The following WIPF2 variants were observed in gnomAD, a reference collection of about 807,000 sequenced individuals.
WIPF2 encodes WAS/WASL-interacting protein family member 2.
In WIPF2, 23 loss-of-function variants were observed where a neutral mutation model predicts 38.8. That is an observed-to-expected ratio of 0.59 (90% CI 0.43 to 0.84). The LOEUF (loss-of-function observed/expected upper bound fraction) is 0.84, where lower values mean the gene tolerates loss of function less well. WIPF2 is among the 40% of genes least tolerant of loss of function. The probability of loss-of-function intolerance (pLI) is 0.00; values close to 1 mark genes in which losing one functional copy is unlikely to be tolerated. For missense variants in WIPF2, 574 were observed against 580.5 expected (o/e 0.99, Z 0.11); for synonymous variants, 210 against 223.2 (o/e 0.94, Z 0.53).
intron 5 of WIPF2, among the ~76,000 whole-genome samples, chr17:40,270,077 G>A (rs900641035): frequency 4.0e-5 from 6 of 151,772 alleles, no homozygotes; most frequent in Admixed American, 3.3e-4. Flanking sequence ...CTTAAAACTG[G>A]ATCTGGGGCC....
intron 1 of WIPF2, among the ~76,000 whole-genome samples, chr17:40,230,832 A>G (rs1343386395): frequency 6.6e-6 from 1 of 152,154 alleles, no homozygotes; most frequent in Non-Finnish European, 1.5e-5. Flanking sequence ...ATGTTCTTTT[A>G]TTTTGAACCG....
At chr17:40,272,349 G>A (rs2032274767) in intron 5 of WIPF2, among the ~76,000 whole-genome samples, 1 of 152,112 alleles carries the variant, frequency 6.6e-6, no homozygotes, top group East Asian at 1.9e-4. Context: ...GGTGATGGTG[G>A]TGGGGCGACC....
chr17:40,258,301 A>G (rs912518688), intron 2 of WIPF2, among the ~76,000 whole-genome samples: 1 of 151,834 alleles, frequency 6.6e-6, no homozygotes, highest in Non-Finnish European at 1.5e-5. Flanking sequence ...TGGGAGGCCA[A>G]GGCAGGTGAA....
chr17:40,228,382 G>A (rs1270832183), intron 1 of WIPF2, among the ~76,000 whole-genome samples: 1 of 152,068 alleles, frequency 6.6e-6, no homozygotes, highest in Non-Finnish European at 1.5e-5. Context: ...ACCTTACACT[G>A]ATAGACATAC....
chr17:40,276,954 T>A, intron 6 of WIPF2, 129 bp from the exon 7 acceptor site: 2 of 763,544 alleles, frequency 2.6e-6, no homozygotes, highest in Non-Finnish European at 4.3e-6. Context: ...GTTGGTTTGG[T>A]GGGGCAGTAG....
chr17:40,237,017 T>TG lies in WIPF2; in HGVS notation c.-70+17526dup, dbSNP rs531880046. ...GAAATGCAACCATGTTGTGCCTTGG[T>TG]GTGGATATTTAAAAATTCATCATAC... On this transcript the variant is annotated intron_variant, in intron 1 of 7. Coordinates refer to ENST00000323571, the MANE Select transcript of WIPF2 (RefSeq NM_133264.5). Among the ~76,000 whole-genome samples, 7 of 152,210 alleles carry TG rather than the reference T, an allele frequency of 4.6e-5. No individual in the cohort carries two copies. The South Asian group carries it at 1.5e-3, about 32-fold the overall frequency.
intron 1 of WIPF2, among the ~76,000 whole-genome samples, chr17:40,228,445 A>G (rs1214693390): frequency 6.6e-6 from 1 of 152,156 alleles, no homozygotes; most frequent in Non-Finnish European, 1.5e-5. Flanking sequence ...AGAAGCATAT[A>G]TATTTGGCTC....
chr17:40,223,594 T>G lies in WIPF2; in HGVS notation c.-70+4102T>G, dbSNP rs558891600. Among the ~76,000 whole-genome samples, 43 of 148,694 alleles carry G rather than the reference T, an allele frequency of 2.9e-4. No homozygotes were observed. In the South Asian group the frequency reaches 8.6e-3, roughly 30 times the overall value. On this transcript the variant is annotated intron_variant, in intron 1 of 7. Coordinates refer to ENST00000323571, the MANE Select transcript of WIPF2 (RefSeq NM_133264.5). Reference sequence around the variant, plus strand: ...TGTTCTGTTGAAGAGAAAATTTTTTTTTGGGTTTTTTTTTTTTTTTTTTGA... The same window carrying G: ...TGTTCTGTTGAAGAGAAAATTTTTTGTTGGGTTTTTTTTTTTTTTTTTTGA...
chr17:40,224,235 T>C (rs1384505356), intron 1 of WIPF2, among the ~76,000 whole-genome samples: 1 of 140,908 alleles, frequency 7.1e-6, no homozygotes, highest in Non-Finnish European at 1.5e-5. Context: ...TCTTTTCTTT[T>C]TTTTTTTTTT....
At chr17:40,226,189 T>TAA (rs1187842305) in intron 1 of WIPF2, among the ~76,000 whole-genome samples, 16 of 121,454 alleles carry the variant, frequency 1.3e-4, no homozygotes, top group African/African-American at 4.0e-4. Flanking sequence ...GGATAGTTGG[T>TAA]AAAAAAAAAA....
At chr17:40,223,702 C>T (rs954780579) in intron 1 of WIPF2, among the ~76,000 whole-genome samples, 6 of 149,940 alleles carry the variant, frequency 4.0e-5, no homozygotes, top group Non-Finnish European at 8.9e-5. Flanking sequence ...CAGGTTCAAG[C>T]GATTCTCCTG....
At chr17:40,246,954 A>G (rs767705938) in intron 1 of WIPF2, among the ~76,000 whole-genome samples, 19 of 151,796 alleles carry the variant, frequency 1.3e-4, no homozygotes, top group Non-Finnish European at 2.8e-4. Context: ...TACTAAAAAT[A>G]CAAGAAATTA....
intron 3 of WIPF2, among the ~76,000 whole-genome samples, chr17:40,261,356 C>T (rs1010751336): frequency 4.0e-5 from 6 of 151,808 alleles, no homozygotes; most frequent in African/African-American, 7.3e-5. Context: ...TGCAGTGGCA[C>T]GGTTTCAGCT....
chr17:40,228,591 G>A (rs1408042107), intron 1 of WIPF2, among the ~76,000 whole-genome samples: 2 of 150,790 alleles, frequency 1.3e-5, no homozygotes, highest in East Asian at 1.9e-4. Flanking sequence ...CTGTGGTAGG[G>A]GATGCAGGGG....
intron 1 of WIPF2, among the ~76,000 whole-genome samples, chr17:40,223,138 T>G (rs1050696000): frequency 9.2e-5 from 14 of 151,894 alleles, no homozygotes; most frequent in Non-Finnish European, 1.9e-4. Flanking sequence ...TGTTTGTTTT[T>G]TTATTTGTTT....
In WIPF2 at chr17:40,282,515, A is replaced by C. The variant is rs2032573746; in HGVS notation, c.*4290A>C. 1 of 152,210 alleles carries C rather than the reference A, an allele frequency of 6.6e-6. No individual in the cohort carries two copies. The highest frequency in any genetic ancestry group is 1.5e-5 in the Non-Finnish European group (1 of 68,038). 9.4% of individuals were successfully genotyped at this position (152,210 alleles called of 1,614,324 possible). On this transcript the variant is annotated 3_prime_UTR_variant, in exon 8 of 8. Coordinates refer to ENST00000323571, the MANE Select transcript of WIPF2 (RefSeq NM_133264.5). ...TGTGGATCAATTTCTTTTAGAAAAT[A>C]ATTTATTGTATGATTTATTTTGGAG... is the stretch of plus-strand genomic sequence containing the variant.
chr17:40,246,179 C>T (rs550278660), intron 1 of WIPF2, among the ~76,000 whole-genome samples: 3 of 150,722 alleles, frequency 2.0e-5, no homozygotes, highest in South Asian at 4.2e-4. Context: ...ACCTTCCTCC[C>T]GGGTTCAAGC....
chr17:40,247,214 T>G lies in WIPF2; in HGVS notation c.-69-9177T>G, dbSNP rs937671303. ...TTTAATTCTTATTTCAGGGTTTTTTTTTTTTTTTTTTTTTTTTTTTTGAGA... is the reference window on the plus strand; with the variant it reads ...TTTAATTCTTATTTCAGGGTTTTTTGTTTTTTTTTTTTTTTTTTTTTGAGA... On this transcript the variant is annotated intron_variant, in intron 1 of 7. Transcript: ENST00000323571. Among the ~76,000 whole-genome samples the G allele has an allele frequency of 7.4e-4, 96 of 129,682 alleles. 1 individual carries two copies. The highest frequency in any genetic ancestry group is 2.2e-4 in the Non-Finnish European group (13 of 59,502). The allele number at this position is 129,682 out of a possible 152,430, so 85.1% of individuals were successfully genotyped here.
rs559209582 is a variant in WIPF2 at position 40,249,315 on chromosome 17, G to A, written c.-69-7076G>A. On this transcript the variant is annotated intron_variant, in intron 1 of 7. Coordinates refer to ENST00000323571, the MANE Select transcript of WIPF2 (RefSeq NM_133264.5). ...CTAAACTGGATTCTTCATTTATCAC[G>A]TGTAAAGGGTAGTAGTTGGTGTCTT... 3.9e-5 allele frequency among the ~76,000 whole-genome samples: 6 copies of A among 152,222 alleles called. No homozygotes were observed. The South Asian group carries it at 6.2e-4, about 16-fold the overall frequency.
Sources: gnomAD v4.1 joint callset for allele counts (sites outside exome capture counted in the v4.1 genomes callset) on GRCh38, gnomAD v4.1.1 for gene constraint, MANE v1.5 for transcripts, NCBI Gene and HGNC (gene_info 2026-07-23, HGNC 2026-07-21) for gene names.